BMERB1: variants seen among roughly 807,000 people sequenced by gnomAD.
BMERB1 encodes bMERB domain-containing protein 1.
Under a neutral mutation model 23.6 loss-of-function variants are expected in BMERB1, and 12 were observed. That is an observed-to-expected ratio of 0.51 (90% confidence interval 0.33 to 0.82). The LOEUF (loss-of-function observed/expected upper bound fraction) is 0.82, where lower values mean the gene tolerates loss of function less well. BMERB1 is among the 40% of genes least tolerant of loss of function. The pLI, the probability that BMERB1 is intolerant of heterozygous loss-of-function variation, is 0.03. For synonymous variants in BMERB1, 122 were observed against 96.6 expected, an observed-to-expected ratio of 1.26 and a Z score of -1.54; for missense variants, 247 against 255.4, an observed-to-expected ratio of 0.97 and a Z score of 0.22.
rs371780590 is a variant in BMERB1, at chr16:15,583,123, A to G, written c.420-33A>G. 4 of 1,495,618 alleles carry G rather than the reference A, an allele frequency of 2.7e-6. No individual in the cohort carries two copies. In the African/African-American group the frequency reaches 4.1e-5, roughly 15 times the overall value. The allele number at this position is 1,495,618 out of a possible 1,614,324, so 92.6% of individuals were successfully genotyped here. On this transcript the variant is annotated intron_variant, in intron 4 of 5. Transcript: ENST00000300006. Reference sequence around the variant, plus strand: ...TTGATGCTTTCCTTGCTTGCTGTGTATCTTCTTTTCTTTTACCCATCTACT... The same window carrying G: ...TTGATGCTTTCCTTGCTTGCTGTGTGTCTTCTTTTCTTTTACCCATCTACT...
At chr16:15,577,741 A>G (rs1482981646) in intron 3 of BMERB1, among the ~76,000 whole-genome samples, 1 of 152,246 alleles carries the variant, frequency 6.6e-6, no homozygotes, top group Non-Finnish European at 1.5e-5. Flanking sequence ...GTGGCCTGCC[A>G]GCGCTTGGGA....
At chr16:15,478,912 C>A (rs960673055) in intron 1 of BMERB1, among the ~76,000 whole-genome samples, 1 of 152,184 alleles carries the variant, frequency 6.6e-6, no homozygotes, top group African/African-American at 2.4e-5. Flanking sequence ...AAAAGCACTT[C>A]TTCTGGATTC....
At chr16:15,553,557 A>G (rs2030157617) in intron 2 of BMERB1, among the ~76,000 whole-genome samples, 1 of 152,254 alleles carries the variant, frequency 6.6e-6, no homozygotes, top group Non-Finnish European at 1.5e-5. Flanking sequence ...AGCCACAGAC[A>G]ATGCTGAAAT....
intron 2 of BMERB1, among the ~76,000 whole-genome samples, chr16:15,553,441 G>A (rs918136471): frequency 1.3e-5 from 2 of 152,214 alleles, no homozygotes; most frequent in African/African-American, 4.8e-5. Context: ...ACTCCTGTAA[G>A]TTCAGCAAAA....
chr16:15,463,802 G>A (rs985822487), intron 1 of BMERB1, among the ~76,000 whole-genome samples: 1 of 151,574 alleles, frequency 6.6e-6, no homozygotes, highest in South Asian at 2.1e-4. Context: ...CCATCCATTG[G>A]AACCTGGGAC....
At chr16:15,575,912 C>T (rs2030846030) in intron 3 of BMERB1, among the ~76,000 whole-genome samples, 1 of 151,976 alleles carries the variant, frequency 6.6e-6, no homozygotes, top group African/African-American at 2.4e-5. Flanking sequence ...AGCCTCCAGT[C>T]CTTTTGTTAC....
intron 1 of BMERB1, among the ~76,000 whole-genome samples, chr16:15,506,234 G>A (rs546417071): frequency 5.9e-5 from 9 of 151,512 alleles, no homozygotes; most frequent in East Asian, 5.9e-4. Context: ...GGAGTGCCGC[G>A]GTGCGATCTC....
chr16:15,520,500 A>C (rs1429627736), intron 2 of BMERB1, among the ~76,000 whole-genome samples: 17 of 89,050 alleles, frequency 1.9e-4, no homozygotes, highest in African/African-American at 6.4e-4. Context: ...TTTTTTTTTG[A>C]GACAAGAGTC....
chr16:15,577,704 C>T (rs1323124133), intron 3 of BMERB1, among the ~76,000 whole-genome samples: 1 of 152,228 alleles, frequency 6.6e-6, no homozygotes, highest in Non-Finnish European at 1.5e-5. Flanking sequence ...CTTCATTTTC[C>T]CTCAGGGCAG....
chr16:15,547,934 G>T (rs940295475), intron 2 of BMERB1, among the ~76,000 whole-genome samples: 1 of 152,162 alleles, frequency 6.6e-6, no homozygotes, highest in Non-Finnish European at 1.5e-5. Flanking sequence ...GGATTGAGAT[G>T]ATCTGTGTAA....
chr16:15,435,702 G>A (rs1299146811), intron 1 of BMERB1, among the ~76,000 whole-genome samples: 1 of 152,202 alleles, frequency 6.6e-6, no homozygotes, highest in Non-Finnish European at 1.5e-5. Flanking sequence ...GAGCGATGTA[G>A]GGCTAAAGTA....
At chr16:15,469,301 G>A (rs926167376) in intron 1 of BMERB1, among the ~76,000 whole-genome samples, 2 of 152,108 alleles carry the variant, frequency 1.3e-5, no homozygotes, top group Non-Finnish European at 2.9e-5. Context: ...GGGCACATTT[G>A]TTTGGGGCTA....
At chr16:15,584,042 T>G (rs1230231432) in intron 5 of BMERB1, 1 of 702,310 alleles carries the variant, frequency 1.4e-6, no homozygotes, top group Non-Finnish European at 2.6e-6. Context: ...AGCATATGTC[T>G]CAGAATATTA....
At chr16:15,452,595 G>A (rs1210119085) in intron 1 of BMERB1, among the ~76,000 whole-genome samples, 1 of 152,116 alleles carries the variant, frequency 6.6e-6, no homozygotes, top group Non-Finnish European at 1.5e-5. Context: ...TCTCCTGTGT[G>A]TGCAAACTCC....
intron 2 of BMERB1, among the ~76,000 whole-genome samples, chr16:15,530,691 T>C (rs1445720396): frequency 6.6e-6 from 1 of 152,268 alleles, no homozygotes; most frequent in East Asian, 1.9e-4. Flanking sequence ...TGGAAGGTAA[T>C]TCAATCATGT....
intron 2 of BMERB1, among the ~76,000 whole-genome samples, chr16:15,519,391 CTT>C (rs1230179459): frequency 6.6e-6 from 1 of 152,032 alleles, no homozygotes; most frequent in Non-Finnish European, 1.5e-5. Context: ...AGCATTAACT[CTT>C]TTATTTTTAT....
chr16:15,463,269 A>ATATATATATATATATATTTTTTTTTT (rs1180090455), intron 1 of BMERB1, among the ~76,000 whole-genome samples: 8 of 148,644 alleles, frequency 5.4e-5, no homozygotes, highest in African/African-American at 2.1e-4. Flanking sequence ...ATATATATAT[A>ATATATATATATATATATTTTTTTTTT]TTTTGTAGAG....
intron 1 of BMERB1, among the ~76,000 whole-genome samples, chr16:15,481,538 C>T (rs1275683379): frequency 2.6e-5 from 4 of 151,656 alleles, no homozygotes; most frequent in African/African-American, 9.7e-5. Flanking sequence ...AAAAAAAAAC[C>T]CACCCAGGTG....
At chr16:15,539,325 A>G (rs2052056719) in intron 2 of BMERB1, among the ~76,000 whole-genome samples, 2 of 152,046 alleles carry the variant, frequency 1.3e-5, no homozygotes, top group Admixed American at 6.6e-5. Flanking sequence ...CTCAGCCGGT[A>G]CTGTGAGCAT....
Sources: allele counts gnomAD v4.1 joint callset (sites outside exome capture counted in the v4.1 genomes callset), GRCh38; gene constraint gnomAD v4.1.1; transcripts MANE v1.5; gene names NCBI Gene and HGNC (gene_info 2026-07-23, HGNC 2026-07-21).